The following FANCE variants were observed in gnomAD, a reference collection of about 807,000 sequenced individuals.
FANCE encodes Fanconi anemia group E protein.
FANCE carries 42 observed loss-of-function variants against 57.8 expected under a neutral mutation model. That is an observed-to-expected ratio of 0.73 (90% CI 0.57 to 0.94). FANCE has a LOEUF of 0.94. Ranked by LOEUF, FANCE falls within the 40% of genes least tolerant of loss-of-function variation. FANCE has a pLI of 0.00. For missense variants in FANCE, 608 were observed against 661.8 expected (o/e 0.92, Z 0.89); for synonymous variants, 251 against 286.4 (o/e 0.88, Z 1.25).
chr6:35,464,123 A>G (rs1024975024), intron 9 of FANCE, among the ~76,000 whole-genome samples: 13 of 152,012 alleles, frequency 8.6e-5, no homozygotes, highest in Middle Eastern at 6.8e-3. Context: ...GTGGTGGGGG[A>G]TAAGATTAGA....
chr6:35,466,341 CCT>C lies in FANCE; in HGVS notation c.1608_1609del (p.Ter537ThrfsTer80), dbSNP rs1767835895. 6.2e-7 allele frequency: 1 copy of C among 1,608,842 alleles called. No homozygotes were observed. Among genetic ancestry groups the C allele is most frequent in the Non-Finnish European group, 8.5e-7 (1 of 1,175,180 alleles). ...AAGGCCGCCTTGAAACATTTGGGCC[CCT>C]GACCATCCACCAAGGGACCACCCTC... On this transcript the variant is annotated frameshift_variant and stop_lost, in exon 10 of 10. Coordinates refer to ENST00000229769, the MANE Select transcript of FANCE (RefSeq NM_021922.3). LOFTEE classifies it high-confidence loss of function.
intron 9 of FANCE, among the ~76,000 whole-genome samples, chr6:35,463,725 G>A (rs1581709422): frequency 1.3e-5 from 2 of 150,118 alleles, no homozygotes; most frequent in East Asian, 3.9e-4. Context: ...GCAATGGCAT[G>A]ATCTCGGCTC....
intron 1 of FANCE, among the ~76,000 whole-genome samples, chr6:35,455,286 CCT>C (rs944696025): frequency 2.0e-5 from 3 of 151,974 alleles, no homozygotes; most frequent in African/African-American, 7.3e-5. Context: ...TCATGTTGTC[CCT>C]GTCTCCATCC....
rs1335982023 is a variant in FANCE, at chr6:35,456,298, A to G, written c.800A>G (p.Asn267Ser). The G allele has an allele frequency of 6.2e-7, 1 of 1,614,180 alleles. No homozygotes were observed. Among genetic ancestry groups the G allele is most frequent in the Non-Finnish European group, 8.5e-7 (1 of 1,180,028 alleles). ...MAVKTGEDGS[N>S]LDDAKGLAES... ...GTTAAGACTGGCGAGGACGGTTCGA[A>G]TCTGGATGATGCTAAAGGTCTGGCT... Residue 267 changes from asparagine to serine, a missense_variant, in exon 2 of 10, where the codon AAT becomes AGT. By Grantham distance (46) the Asn-to-Ser change is conservative. Coordinates refer to ENST00000229769, the MANE Select transcript of FANCE (RefSeq NM_021922.3). This position sits in a 1 kb window ranked among gnomAD's most constrained non-coding sequence, Gnocchi z 4.3.
Position 35,462,919 on chromosome 6 carries a change from G to A in FANCE, c.1509+5G>A, listed in dbSNP as rs761529012. On this transcript the variant is annotated splice_donor_5th_base_variant and intron_variant, in intron 9 of 9. Coordinates refer to ENST00000229769, the MANE Select transcript of FANCE (RefSeq NM_021922.3). ...ATGACCAAGTATCAGGCTAACGTGA[G>A]TATTGATAGGGCCTTGGGGCTGGTC... 1 of 1,614,140 alleles carries A rather than the reference G, an allele frequency of 6.2e-7. No individual in the cohort carries two copies. Among genetic ancestry groups the A allele is most frequent in the Non-Finnish European group, 8.5e-7 (1 of 1,179,984 alleles).
In FANCE at chr6:35,459,543, G is replaced by A. The variant is rs1258089324; in HGVS notation, c.1237+89G>A. On this transcript the variant is annotated intron_variant, in intron 6 of 9. Transcript: ENST00000229769. ...CCAGAGTGGCCCTGGCAGGAGTTGG[G>A]TATTCAGTGATTAAAGATGCCTGCT... The A allele has an allele frequency of 2.5e-6, 4 of 1,603,524 alleles. No individual in the cohort carries two copies. In the Admixed American group the frequency reaches 5.0e-5, roughly 20 times the overall value.
At chr6:35,457,624 C>T (rs763453078) in intron 3 of FANCE, 24 bp downstream of exon 3, 50 of 1,612,830 alleles carry the variant, frequency 3.1e-5, no homozygotes, top group Non-Finnish European at 3.9e-5. Context: ...CAGTGCTCAC[C>T]ATAGCCTTTC....
chr6:35,458,506 G>A, intron 5 of FANCE, 66 bp downstream of exon 5: 1 of 1,586,804 alleles, frequency 6.3e-7, no homozygotes, highest in Non-Finnish European at 8.6e-7. Flanking sequence ...GCCCTCAGAA[G>A]GGTGGTACTT....
intron 5 of FANCE, 89 bp downstream of exon 5, chr6:35,458,529 TC>T: frequency 6.6e-7 from 1 of 1,519,720 alleles, no homozygotes. Context: ...GAGAGGGGAT[TC>T]CCAGCCTTGT....
chr6:35,452,666 C>T lies in FANCE; in HGVS notation c.121C>T (p.Arg41Trp), dbSNP rs1767153896. ...GCTGCAGGCGGGGCCTGAGGGGGCG[C>T]GGCGCGGCCTGGGGGTGCTCCGGGC... The part of the protein sequence containing the change: ...QALQAGPEGA[R>W]RGLGVLRALG... Residue 41 changes from arginine (R) to tryptophan (W), a missense_variant, in exon 1 of 10, where the codon CGG becomes TGG. Coordinates refer to ENST00000229769, the MANE Select transcript of FANCE (RefSeq NM_021922.3). 3 of 1,243,036 alleles carry T rather than the reference C, an allele frequency of 2.4e-6. No homozygotes were observed. Among genetic ancestry groups the T allele is most frequent in the Non-Finnish European group, 3.0e-6 (3 of 996,148 alleles). 77.0% of individuals were successfully genotyped at this position (1,243,036 alleles called of 1,614,324 possible). A position where few individuals can be genotyped will look rare whatever the true frequency, so the allele number is the denominator to read the frequency against.
At position 35,460,679 on chromosome 6, in the gene FANCE, G is replaced by A. The variant is rs1026884231; in HGVS notation, c.1383+61G>A. The stretch of plus-strand genomic sequence containing the variant: ...AGTGCTGCAGTCCTTGGAAGCACAC[G>A]GGGTTCCTGGGTTTCTGAGTCCTTC... On this transcript the variant is annotated intron_variant, in intron 8 of 9. Coordinates refer to ENST00000229769, the MANE Select transcript of FANCE (RefSeq NM_021922.3). 7 of 1,492,110 alleles carry A rather than the reference G, an allele frequency of 4.7e-6. No homozygotes were observed. In the Admixed American group the frequency reaches 6.7e-5, roughly 14 times the overall value. The allele number at this position is 1,492,110 out of a possible 1,614,324, so 92.4% of individuals were successfully genotyped here.
At chr6:35,465,049 T>C (rs566096916) in intron 9 of FANCE, among the ~76,000 whole-genome samples, 1 of 152,076 alleles carries the variant, frequency 6.6e-6, no homozygotes, top group East Asian at 1.9e-4. Flanking sequence ...GATATTCTTA[T>C]TATTCCGTTT....
chr6:35,454,750 G>A (rs576348178), intron 1 of FANCE, among the ~76,000 whole-genome samples: 10 of 152,210 alleles, frequency 6.6e-5, no homozygotes, highest in African/African-American at 2.4e-4. Context: ...CTCATCCCCC[G>A]TCTTTCCCCT....
At chr6:35,459,532 G>A in intron 6 of FANCE, 78 bp downstream of exon 6, 1 of 1,608,690 alleles carries the variant, frequency 6.2e-7, no homozygotes, top group Non-Finnish European at 8.5e-7. Context: ...AGTGGCCCTG[G>A]CAGGAGTTGG....
intron 9 of FANCE, among the ~76,000 whole-genome samples, chr6:35,463,636 G>C (rs531289567): frequency 6.6e-6 from 1 of 151,804 alleles, no homozygotes; most frequent in Admixed American, 6.6e-5. Flanking sequence ...CTTTGTTTGT[G>C]GTTGGGAATT....
At chr6:35,459,245 T>C in intron 5 of FANCE, 86 bp from the exon 6 acceptor site, 1 of 1,541,838 alleles carries the variant, frequency 6.5e-7, no homozygotes, top group Non-Finnish European at 8.9e-7. Context: ...CTTTGTAACA[T>C]GTATCATCAT....
intron 1 of FANCE, among the ~76,000 whole-genome samples, chr6:35,454,865 C>T (rs901423701): frequency 2.6e-5 from 4 of 152,250 alleles, no homozygotes; most frequent in South Asian, 2.1e-4. Flanking sequence ...CTGATCTCAG[C>T]ACACTTAGAG....
Position 35,452,386 on chromosome 6 carries a change from G to A in FANCE, c.-160G>A. ...AACGGCTGCGGCTTCGGGCGGCCGG[G>A]TTTCTCCGGTCTCCCAACGCCGAGG... is the stretch of plus-strand genomic sequence containing the variant. On this transcript the variant is annotated 5_prime_UTR_variant, in exon 1 of 10. Coordinates refer to ENST00000229769, the MANE Select transcript of FANCE (RefSeq NM_021922.3). 2 of 785,366 alleles carry A rather than the reference G, an allele frequency of 2.5e-6. No homozygotes were observed. Among genetic ancestry groups the A allele is most frequent in the Non-Finnish European group, 3.4e-6 (2 of 590,920 alleles). 48.6% of individuals were successfully genotyped at this position (785,366 alleles called of 1,614,324 possible). A position where few individuals can be genotyped will look rare whatever the true frequency, so the allele number is the denominator to read the frequency against.
intron 9 of FANCE, among the ~76,000 whole-genome samples, chr6:35,464,479 T>C (rs890144870): frequency 4.6e-5 from 7 of 151,348 alleles, no homozygotes; most frequent in Non-Finnish European, 7.4e-5. Context: ...CCTTGTGATC[T>C]GTCCGCCTTG....
Sources: gnomAD v4.1 joint callset for allele counts (sites outside exome capture counted in the v4.1 genomes callset) on GRCh38, gnomAD v4.1.1 for gene constraint, Gnocchi (gnomAD v3.1) non-coding constraint, MANE v1.5 for transcripts, NCBI Gene and HGNC (gene_info 2026-07-23, HGNC 2026-07-21) for gene names.